Variants in NRCAM observed in about 807,000 individuals in gnomAD.
NRCAM encodes neuronal cell adhesion molecule, also known as NgCAM-related cell adhesion molecule.
In NRCAM, 83 loss-of-function variants were observed where a neutral mutation model predicts 156.5. The observed-to-expected ratio is 0.53, with a 90% confidence interval of 0.44 to 0.64. NRCAM has a LOEUF of 0.64. NRCAM is among the 30% of genes least tolerant of loss of function. NRCAM has a pLI of 0.00. For missense variants in NRCAM, 1,417 were observed against 1,597.3 expected (o/e 0.89, Z 1.92); for synonymous variants, 538 against 563.9 (o/e 0.95, Z 0.65).
chr7:108,324,877 C>CATTTTTTTT (rs201240389), intron 2 of NRCAM, among the ~76,000 whole-genome samples: 13 of 82,676 alleles, frequency 1.6e-4, no homozygotes, highest in African/African-American at 2.0e-4. Flanking sequence ...TGGCACTGTA[C>CATTTTTTTT]TTTTTTTTTT....
intron 1 of NRCAM, among the ~76,000 whole-genome samples, chr7:108,411,071 T>C (rs10228864): frequency 0.094 from 14,298 of 152,216 alleles, 1,717 homozygotes; most frequent in African/African-American, 0.28. Flanking sequence ...TTTCCAACTT[T>C]CCACTACTTC....
At chr7:108,431,202 G>T (rs1824664915) in intron 1 of NRCAM, among the ~76,000 whole-genome samples, 1 of 152,094 alleles carries the variant, frequency 6.6e-6, no homozygotes. Flanking sequence ...CTTGCCCAAG[G>T]TCATGTTATT....
chr7:108,209,195 A>G (rs1415792232), intron 12 of NRCAM, among the ~76,000 whole-genome samples: 3 of 152,110 alleles, frequency 2.0e-5, no homozygotes, highest in African/African-American at 2.4e-5. Flanking sequence ...TTCCTTCATT[A>G]TTCCTATATT....
At chr7:108,446,282 A>C (rs1366306179) in intron 1 of NRCAM, among the ~76,000 whole-genome samples, 1 of 152,212 alleles carries the variant, frequency 6.6e-6, no homozygotes, top group South Asian at 2.1e-4. Flanking sequence ...CCAGCAAGCA[A>C]ATTACAATCT....
At chr7:108,415,447 T>A (rs1387605851) in intron 1 of NRCAM, among the ~76,000 whole-genome samples, 1 of 152,218 alleles carries the variant, frequency 6.6e-6, no homozygotes, top group African/African-American at 2.4e-5. Context: ...GAACATTATT[T>A]AATGACTTCC....
Position 108,150,130 on chromosome 7 carries a change from T to C in NRCAM, c.3695A>G (p.Lys1232Arg). The C allele has an allele frequency of 1.2e-6, 2 of 1,606,304 alleles. No homozygotes were observed. Among genetic ancestry groups the C allele is most frequent in the East Asian group, 4.5e-5 (2 of 44,870 alleles). Residue 1232 changes from lysine (K) to arginine (R), a missense_variant, in exon 33 of 33, where the codon AAG (lysine) becomes AGG (arginine). Transcript: ENST00000379028. The stretch of plus-strand genomic sequence containing the variant: ...AGTTCGACTTCCTTTTTTCAAAGGC[T>C]TGTGGTCTTCTGCATCACTGGAAGA... ...FGEYSDAEDH[K>R]PLKKGSRTPS... is the part of the protein sequence containing the mutation.
intron 13 of NRCAM, among the ~76,000 whole-genome samples, chr7:108,200,839 C>T (rs1465227626): frequency 6.6e-6 from 1 of 150,558 alleles, no homozygotes; most frequent in East Asian, 1.9e-4. Flanking sequence ...TTCACAGCAA[C>T]CTAGATGGAA....
chr7:108,299,110 A>AAAAAAAAAAAAAAAAAAAAAAAAAG (rs1563163335), intron 3 of NRCAM, among the ~76,000 whole-genome samples: 1 of 16,650 alleles, frequency 6.0e-5, no homozygotes, highest in Non-Finnish European at 1.7e-4. Flanking sequence ...CATCTCAAAA[A>AAAAAAAAAAAAAAAAAAAAAAAAAG]AAAAAAAGAA....
intron 30 of NRCAM, among the ~76,000 whole-genome samples, chr7:108,163,222 A>AT (rs1328787816): frequency 6.6e-6 from 1 of 152,200 alleles, no homozygotes; most frequent in Non-Finnish European, 1.5e-5. Flanking sequence ...AATTAAACAC[A>AT]TATAAAGAAC....
intron 23 of NRCAM, 65 bp from the exon 24 acceptor site, chr7:108,182,002 ACTCT>A (rs372571298): frequency 1.8e-5 from 22 of 1,233,184 alleles, no homozygotes; most frequent in South Asian, 2.5e-5. Flanking sequence ...CATAAATATG[ACTCT>A]CTCTAATAAT....
At chr7:108,439,277 G>A (rs952339497) in intron 1 of NRCAM, among the ~76,000 whole-genome samples, 6 of 151,918 alleles carry the variant, frequency 3.9e-5, no homozygotes, top group Non-Finnish European at 8.8e-5. Flanking sequence ...TCCCTCAAAG[G>A]GCATATCAAG....
At chr7:108,219,600 C>G (rs575554164) in intron 11 of NRCAM, among the ~76,000 whole-genome samples, 1 of 152,154 alleles carries the variant, frequency 6.6e-6, no homozygotes, top group Non-Finnish European at 1.5e-5. Context: ...AAACAAAAAT[C>G]GCACGATCAT....
intron 3 of NRCAM, among the ~76,000 whole-genome samples, chr7:108,260,259 A>C (rs1448130647): frequency 6.6e-6 from 1 of 152,206 alleles, no homozygotes; most frequent in Non-Finnish European, 1.5e-5. Context: ...GCTTCTGAGA[A>C]AACATCTAAT....
At chr7:108,223,100 G>A (rs759511522) in intron 11 of NRCAM, among the ~76,000 whole-genome samples, 21 of 152,190 alleles carry the variant, frequency 1.4e-4, no homozygotes, top group Non-Finnish European at 2.8e-4. Flanking sequence ...CAGGCCCTGT[G>A]CATGATGTCT....
intron 3 of NRCAM, among the ~76,000 whole-genome samples, chr7:108,310,170 A>C (rs552994072): frequency 3.1e-4 from 47 of 152,212 alleles, no homozygotes; most frequent in Non-Finnish European, 5.4e-4. Context: ...AAATGGGAAC[A>C]TGCTTTAAGG....
In NRCAM at chr7:108,219,194, C is replaced by A. The variant is rs146810119; in HGVS notation, c.890+4531G>T. Among the ~76,000 whole-genome samples the A allele has an allele frequency of 4.8e-3, 730 of 152,028 alleles. 10 individuals carry two copies. The highest frequency in any genetic ancestry group is 0.017 in the African/African-American group (703 of 41,416). ...ATACCTTAAACAGACCAATAATAAG[C>A]AGCAAGATCAAAATAGTAATTAAAA... On this transcript the variant is annotated intron_variant, in intron 11 of 32. Transcript: ENST00000379028.
At chr7:108,452,397 C>A (rs561838731) in intron 1 of NRCAM, among the ~76,000 whole-genome samples, 18 of 144,650 alleles carry the variant, frequency 1.2e-4, no homozygotes, top group Non-Finnish European at 2.5e-4. Flanking sequence ...AATTATATCT[C>A]ATTAATGCTG....
intron 1 of NRCAM, among the ~76,000 whole-genome samples, chr7:108,444,923 CTCT>C (rs1554657432): frequency 6.6e-6 from 1 of 152,192 alleles, no homozygotes; most frequent in Non-Finnish European, 1.5e-5. Context: ...TAATCTCCAT[CTCT>C]TCACTGAGGT....
At chr7:108,434,978 A>G (rs1187897723) in intron 1 of NRCAM, among the ~76,000 whole-genome samples, 1 of 152,110 alleles carries the variant, frequency 6.6e-6, no homozygotes, top group Non-Finnish European at 1.5e-5. Flanking sequence ...GTCAATAATA[A>G]CAACAAAAAT....
Sources: gnomAD v4.1 joint callset for allele counts (sites outside exome capture counted in the v4.1 genomes callset) on GRCh38, gnomAD v4.1.1 for gene constraint, MANE v1.5 for transcripts, NCBI Gene and HGNC (gene_info 2026-07-23, HGNC 2026-07-21) for gene names.